The following SAMD8 variants were observed in gnomAD, a reference collection of about 807,000 sequenced individuals.
The protein encoded by SAMD8 is sterile alpha motif domain containing 8.
In SAMD8, 20 loss-of-function variants were observed where a neutral mutation model predicts 42.0. The ratio of observed to expected loss-of-function variants is 0.48; its 90% CI spans 0.34 to 0.69. SAMD8 has a LOEUF of 0.69. SAMD8 is among the 30% of genes least tolerant of loss of function. The pLI, the probability that SAMD8 is intolerant of heterozygous loss-of-function variation, is 0.01. For missense variants in SAMD8, 328 were observed against 511.6 expected (o/e 0.64, Z 3.46); for synonymous variants, 162 against 173.0 (o/e 0.94, Z 0.50).
rs57856350 is a variant in SAMD8 at position 75,172,708 on chromosome 10, G to T, written c.793-3358G>T. 5.3e-3 allele frequency among the ~76,000 whole-genome samples: 799 copies of T among 152,182 alleles called. 6 individuals carry two copies. The highest frequency in any genetic ancestry group is 0.018 in the African/African-American group (761 of 41,526). On this transcript the variant is annotated intron_variant, in intron 4 of 5. Transcript: ENST00000542569. ...AGATGGGGTTTCACCATCTTGGCCA[G>T]GCTGGTCTTGAACTCCTGACCCCAT...
intron 2 of SAMD8, among the ~76,000 whole-genome samples, chr10:75,162,197 A>G (rs1297597313): frequency 1.3e-5 from 2 of 151,840 alleles, no homozygotes; most frequent in African/African-American, 2.4e-5. Flanking sequence ...TTTCTCTACT[A>G]AAAATACAAA....
chr10:75,108,041 G>A, upstream of SAMD8: 2 of 1,613,860 alleles, frequency 1.2e-6, no homozygotes, highest in South Asian at 1.1e-5. Flanking sequence ...CAGAGGAGAA[G>A]TAGGCACTGA....
At chr10:75,153,224 C>T (rs965733665) in intron 2 of SAMD8, among the ~76,000 whole-genome samples, 6 of 151,890 alleles carry the variant, frequency 4.0e-5, no homozygotes, top group African/African-American at 1.2e-4. Context: ...TCAAATGATC[C>T]GCCCACCTCA....
At chr10:75,101,977 A>T in intron 1 of SAMD8, 1 of 1,365,888 alleles carries the variant, frequency 7.3e-7, no homozygotes, top group African/African-American at 1.5e-5. Flanking sequence ...TTTTGATTTG[A>T]GTTTAATTAT....
At chr10:75,103,683 C>T (rs1409895404) in intron 1 of SAMD8, among the ~76,000 whole-genome samples, 1 of 152,246 alleles carries the variant, frequency 6.6e-6, no homozygotes, top group Non-Finnish European at 1.5e-5. Context: ...TGCACTGGGT[C>T]TCTGAGGTCT....
Position 75,124,474 on chromosome 10 carries a change from G to A in SAMD8, c.-16+12752G>A, listed in dbSNP as rs375469396. On this transcript the variant is annotated intron_variant, in intron 1 of 5. Transcript: ENST00000542569. Reference sequence around the variant, plus strand: ...GTAAAAATACAAAAATTAGCCAGGCGTGGTGGCGCACGCCTGTAGTTCCAG... The same window carrying A: ...GTAAAAATACAAAAATTAGCCAGGCATGGTGGCGCACGCCTGTAGTTCCAG... Among the ~76,000 whole-genome samples the A allele has an allele frequency of 2.6e-4, 39 of 152,158 alleles. No individual in the cohort carries two copies. In the East Asian group the frequency reaches 2.9e-3, roughly 11 times the overall value.
intron 1 of SAMD8, chr10:75,102,108 T>C: frequency 2.1e-6 from 1 of 470,856 alleles, no homozygotes; most frequent in South Asian, 1.8e-5. Flanking sequence ...CCCAGGCCTC[T>C]GTCCCAGCAC....
intron 3 of SAMD8, among the ~76,000 whole-genome samples, chr10:75,166,584 G>A (rs980022828): frequency 1.3e-5 from 2 of 151,942 alleles, no homozygotes; most frequent in African/African-American, 4.8e-5. Context: ...AGAAAGGTTG[G>A]TGGTTACTAT....
Position 75,101,577 on chromosome 10 carries a change from T to C in SAMD8, c.-16+1849T>C, listed in dbSNP as rs184621115. ...TCATTGAATCCTCACAGTGCCTTTA[T>C]GGAGCAGGTAATATTATCATCCCCA... is the stretch of plus-strand genomic sequence containing the variant. On this transcript the variant is annotated intron_variant, in intron 1 of 3. Coordinates refer to the SAMD8 transcript ENST00000447533. Among the ~76,000 whole-genome samples, 64 of 152,338 alleles carry C rather than the reference T, an allele frequency of 4.2e-4. 2 individuals are homozygous for C. In the East Asian group the frequency reaches 0.011, roughly 26 times the overall value.
intron 1 of SAMD8, among the ~76,000 whole-genome samples, chr10:75,121,239 A>G (rs1203678621): frequency 1.3e-5 from 2 of 152,230 alleles, no homozygotes; most frequent in Non-Finnish European, 2.9e-5. Flanking sequence ...TAACTTCTGC[A>G]GGGTCACATA....
intron 1 of SAMD8, among the ~76,000 whole-genome samples, chr10:75,142,467 T>C (rs1185555311): frequency 6.6e-6 from 1 of 152,170 alleles, no homozygotes; most frequent in East Asian, 1.9e-4. Context: ...AGACGAAGTC[T>C]TGTTCTGCCA....
intron 3 of SAMD8, chr10:75,168,312 A>T: frequency 2.4e-6 from 1 of 421,402 alleles, no homozygotes; most frequent in Non-Finnish European, 3.2e-6. Context: ...CAAGTCCGTA[A>T]GATCCACATA....
chr10:75,108,434 T>C (rs916738768), upstream of SAMD8, among the ~76,000 whole-genome samples: 1 of 152,090 alleles, frequency 6.6e-6, no homozygotes, highest in African/African-American at 2.4e-5. Flanking sequence ...TAGACCCTCT[T>C]TGCTTCCTCA....
intron 2 of SAMD8, among the ~76,000 whole-genome samples, chr10:75,156,468 A>G (rs1277001900): frequency 6.6e-6 from 1 of 152,172 alleles, no homozygotes; most frequent in Admixed American, 6.5e-5. Context: ...TGAAAGTTTC[A>G]TCTCACCTAT....
intron 1 of SAMD8, among the ~76,000 whole-genome samples, chr10:75,117,518 C>T (rs1848913883): frequency 6.6e-6 from 1 of 151,608 alleles, no homozygotes; most frequent in South Asian, 2.1e-4. Flanking sequence ...AGTTCAAGAC[C>T]ACCCTGGCCA....
chr10:75,150,276 A>C, intron 1 of SAMD8: 1 of 176,632 alleles, frequency 5.7e-6, no homozygotes, highest in Non-Finnish European at 9.0e-6. Context: ...TGCCCAGGCT[A>C]AAATTTTTTT....
intron 1 of SAMD8, among the ~76,000 whole-genome samples, chr10:75,135,819 C>A (rs1839874044): frequency 6.6e-6 from 1 of 151,346 alleles, no homozygotes; most frequent in Non-Finnish European, 1.5e-5. Context: ...GGACAAGACT[C>A]CGTCCGTATC....
intron 4 of SAMD8, among the ~76,000 whole-genome samples, chr10:75,174,629 T>TTGA (rs1840948346): frequency 6.7e-6 from 1 of 150,042 alleles, no homozygotes; most frequent in African/African-American, 2.5e-5. Flanking sequence ...GAGATGGGTT[T>TTGA]TCCATGTTGG....
At position 75,152,383 on chromosome 10, in the gene SAMD8, A is replaced by G. The variant is rs1022838621; in HGVS notation, c.578+1277A>G. Among the ~76,000 whole-genome samples, 4 of 150,628 alleles carry G rather than the reference A, an allele frequency of 2.7e-5. No individual in the cohort carries two copies. In the South Asian group the frequency reaches 6.3e-4, roughly 24 times the overall value. ...TAAAAATACAAAAAATTAGCCGGGC[A>G]TAGTGGCGGGCGCCTGTAGTCCCAG... On this transcript the variant is annotated intron_variant, in intron 2 of 5. Transcript: ENST00000542569.
Sources: gnomAD v4.1 joint callset for allele counts (sites outside exome capture counted in the v4.1 genomes callset) on GRCh38, gnomAD v4.1.1 for gene constraint, MANE v1.5 for transcripts, NCBI Gene and HGNC (gene_info 2026-07-23, HGNC 2026-07-21) for gene names.